The following UGT1A6 variants were observed in gnomAD, a reference collection of about 807,000 sequenced individuals.
The protein encoded by UGT1A6 is UDP-glucuronosyltransferase 1A6.
UGT1A6 carries 32 observed loss-of-function variants against 44.4 expected under a neutral mutation model. The observed-to-expected ratio is 0.72, with a 90% CI of 0.54 to 0.97. The LOEUF (loss-of-function observed/expected upper bound fraction) is 0.97. Among genes scored for constraint, UGT1A6 ranks in the 50% least tolerant of loss-of-function variants. UGT1A6 has a pLI of 0.00. For missense variants in UGT1A6, 685 were observed against 661.9 expected, an observed-to-expected ratio of 1.03 and a Z score of -0.38; for synonymous variants, 238 against 248.5, an observed-to-expected ratio of 0.96 and a Z score of 0.40.
rs10445705 is a variant in UGT1A6 at position 233,768,141 on chromosome 2, G to A, written c.1082-79G>A. Reference sequence around the variant, plus strand: ...ATGTGAGTAACACTGAGTCTTTGGAGTGTTTTCAGAACCTAGATGTGTCCA... The same window carrying A: ...ATGTGAGTAACACTGAGTCTTTGGAATGTTTTCAGAACCTAGATGTGTCCA... On this transcript the variant is annotated intron_variant, in intron 3 of 4. Coordinates refer to ENST00000305139, the MANE Select transcript of UGT1A6 (RefSeq NM_001072.4). The A allele has an allele frequency of 3.8e-3, 6,135 of 1,610,076 alleles. 218 individuals carry two copies. The African/African-American group carries it at 0.07, about 18-fold the overall frequency.
At chr2:233,747,276 T>C in intron 1 of UGT1A6, 1 of 1,598,748 alleles carries the variant, frequency 6.3e-7, no homozygotes, top group Non-Finnish European at 8.5e-7. Context: ...TCCTTCTCAG[T>C]GCCCAGCCCT....
chr2:233,705,147 AAAGAG>A (rs1423944369), intron 1 of UGT1A6, among the ~76,000 whole-genome samples: 11 of 152,088 alleles, frequency 7.2e-5, no homozygotes, highest in East Asian at 5.8e-4. Context: ...AAAAAAAAAA[AAAGAG>A]AGAGAGAGAG....
At chr2:233,712,928 A>G in intron 1 of UGT1A6, 1 of 1,612,102 alleles carries the variant, frequency 6.2e-7, no homozygotes, top group East Asian at 2.2e-5. Flanking sequence ...AATTAAGACG[A>G]AGGAAACAAT....
At chr2:233,700,064 G>T (rs1274980816) in intron 1 of UGT1A6, among the ~76,000 whole-genome samples, 2 of 152,314 alleles carry the variant, frequency 1.3e-5, no homozygotes, top group South Asian at 2.1e-4. Context: ...ATCCAGTGGT[G>T]TCTACCCAGC....
chr2:233,719,832 C>G, intron 1 of UGT1A6: 1 of 1,545,496 alleles, frequency 6.5e-7, no homozygotes, highest in South Asian at 1.2e-5. Flanking sequence ...GTTGAGGGGC[C>G]TAGTGTATTT....
At position 233,696,719 on chromosome 2, in the gene UGT1A6, G is replaced by A. The variant is rs112627579; in HGVS notation, c.861+2854G>A. ...TCTTATTCCAGATTTTAGAGGAACA[G>A]TTTTCAGTTTTACCCTTTTCAGTAT... is the stretch of plus-strand genomic sequence containing the variant. On this transcript the variant is annotated intron_variant, in intron 1 of 4. Transcript: ENST00000305139. Among the ~76,000 whole-genome samples, 287 of 152,106 alleles carry A rather than the reference G, an allele frequency of 1.9e-3. 1 individual carries two copies. The highest frequency in any genetic ancestry group is 6.8e-3 in the African/African-American group (283 of 41,504).
chr2:233,730,105 C>G, intron 1 of UGT1A6: 1 of 1,574,650 alleles, frequency 6.4e-7, no homozygotes, highest in Non-Finnish European at 8.6e-7. Context: ...TATTTCATTT[C>G]TGCTTCTCCT....
At chr2:233,743,979 A>G (rs1692622611) in intron 1 of UGT1A6, 33 of 1,306,002 alleles carry the variant, frequency 2.5e-5, no homozygotes, top group South Asian at 6.3e-5. Context: ...GCCAGCACCC[A>G]GGCGCAGGCC....
chr2:233,714,075 C>T (rs575529005), intron 1 of UGT1A6, among the ~76,000 whole-genome samples: 10 of 151,962 alleles, frequency 6.6e-5, no homozygotes, highest in Non-Finnish European at 8.8e-5. Context: ...GAGGCAGGGA[C>T]GAGGATCTGT....
chr2:233,772,622 C>A lies in UGT1A6; in HGVS notation c.*63C>A, dbSNP rs894885863. 5 of 1,567,432 alleles carry A rather than the reference C, an allele frequency of 3.2e-6. No homozygotes were observed. The highest frequency in any genetic ancestry group is 3.5e-6 in the Non-Finnish European group (4 of 1,155,382). ...CCCTAGTCATTTCCAAACTTGAAAA[C>A]AGAATCAGTGTTAAATTCATTTTAT... On this transcript the variant is annotated 3_prime_UTR_variant, in exon 5 of 5. Transcript: ENST00000305139.
At chr2:233,766,476 A>G (rs893882112) in intron 1 of UGT1A6, among the ~76,000 whole-genome samples, 2 of 152,172 alleles carry the variant, frequency 1.3e-5, no homozygotes, top group African/African-American at 2.4e-5. Flanking sequence ...TTATAGGCAC[A>G]TGATGGGGGC....
intron 1 of UGT1A6, among the ~76,000 whole-genome samples, chr2:233,720,298 G>A (rs2076845551): frequency 6.6e-6 from 1 of 152,140 alleles, no homozygotes; most frequent in Admixed American, 6.5e-5. Context: ...CAGGAGTTGG[G>A]GGTCTGGTGT....
chr2:233,724,358 C>T (rs2077236787), intron 1 of UGT1A6, among the ~76,000 whole-genome samples: 1 of 147,908 alleles, frequency 6.8e-6, no homozygotes, highest in African/African-American at 2.5e-5. Context: ...CACCTCCCTC[C>T]CGGACGGGGT....
In UGT1A6 at chr2:233,702,744, C is replaced by A. The variant is rs28899179; in HGVS notation, c.861+8879C>A. The stretch of plus-strand genomic sequence containing the variant: ...TGAACATGGTTTTCTTTTTGGTCCC[C>A]TATTCTAGTGATATGTGTTAATTGA... On this transcript the variant is annotated intron_variant, in intron 1 of 4. Coordinates refer to ENST00000305139, the MANE Select transcript of UGT1A6 (RefSeq NM_001072.4). Among the ~76,000 whole-genome samples, 1,245 of 152,216 alleles carry A rather than the reference C, an allele frequency of 8.2e-3. 20 individuals are homozygous for A. Among genetic ancestry groups the A allele is most frequent in the African/African-American group, 0.028 (1,155 of 41,538 alleles).
chr2:233,700,469 A>G (rs997170910), intron 1 of UGT1A6, among the ~76,000 whole-genome samples: 5 of 152,226 alleles, frequency 3.3e-5, no homozygotes, highest in Admixed American at 3.3e-4. Context: ...AGCTAAAAAA[A>G]GTATTCAACA....
At chr2:233,717,463 G>T (rs374557809) in intron 1 of UGT1A6, among the ~76,000 whole-genome samples, 2 of 152,198 alleles carry the variant, frequency 1.3e-5, no homozygotes, top group African/African-American at 4.8e-5. Context: ...CCTGTCCCAT[G>T]GGTTGTGTCC....
At chr2:233,712,852 G>A (rs2076258090) in intron 1 of UGT1A6, 16 of 1,544,082 alleles carry the variant, frequency 1.0e-5, no homozygotes, top group Non-Finnish European at 1.4e-5. Context: ...CGGGTAATAA[G>A]TAACTGGAGG....
chr2:233,747,437 C>A, intron 1 of UGT1A6: 2 of 1,608,846 alleles, frequency 1.2e-6, no homozygotes, highest in Non-Finnish European at 1.7e-6. Flanking sequence ...AGAAATTTTT[C>A]ACCCTGACAA....
intron 1 of UGT1A6, chr2:233,743,509 G>T: frequency 7.3e-7 from 1 of 1,367,170 alleles, no homozygotes; most frequent in Non-Finnish European, 9.8e-7. Context: ...GGGTGCAGAC[G>T]CTCTGCTTCT....
Sources: gnomAD v4.1 joint callset for allele counts (sites outside exome capture counted in the v4.1 genomes callset) on GRCh38, gnomAD v4.1.1 for gene constraint, MANE v1.5 for transcripts, NCBI Gene and HGNC (gene_info 2026-07-23, HGNC 2026-07-21) for gene names.